The following SLC38A11 variants were observed in gnomAD, a reference collection of about 807,000 sequenced individuals.
The protein encoded by SLC38A11 is solute carrier family 38 member 11, also known as putative sodium-coupled neutral amino acid transporter 11.
A neutral mutation model predicts 49.4 loss-of-function variants in SLC38A11; 51 were observed. That is an observed-to-expected ratio of 1.03 (90% CI 0.83 to 1.30). The LOEUF (loss-of-function observed/expected upper bound fraction) is 1.30. Ranked by LOEUF, SLC38A11 falls within the 50% of genes most tolerant of loss-of-function variation. SLC38A11 has a pLI of 0.00. For synonymous variants in SLC38A11, 203 were observed against 192.9 expected, an observed-to-expected ratio of 1.05 and a Z score of -0.43; for missense variants, 574 against 556.2, an observed-to-expected ratio of 1.03 and a Z score of -0.32.
At chr2:164,912,665 G>A (rs1685483980) in intron 9 of SLC38A11, among the ~76,000 whole-genome samples, 1 of 151,988 alleles carries the variant, frequency 6.6e-6, no homozygotes, top group Non-Finnish European at 1.5e-5. Context: ...GAGCCCAAGT[G>A]TAAATGCACT....
chr2:164,945,453 T>C, intron 4 of SLC38A11, 140 bp downstream of exon 4: 1 of 744,944 alleles, frequency 1.3e-6, no homozygotes, highest in Non-Finnish European at 2.0e-6. Context: ...GAGAAAATGG[T>C]TAAAGAAGTA....
intron 5 of SLC38A11, among the ~76,000 whole-genome samples, chr2:164,942,292 G>C (rs1455378511): frequency 1.3e-5 from 2 of 151,210 alleles, no homozygotes; most frequent in Non-Finnish European, 3.0e-5. Context: ...CTACAAAACC[G>C]GGCGTGGTGG....
At chr2:164,916,995 A>G (rs545558317) in intron 7 of SLC38A11, among the ~76,000 whole-genome samples, 1 of 152,038 alleles carries the variant, frequency 6.6e-6, no homozygotes, top group Non-Finnish European at 1.5e-5. Flanking sequence ...AGATTAAATG[A>G]GATAAAATAT....
chr2:164,911,357 T>A (rs1206100007), intron 10 of SLC38A11, among the ~76,000 whole-genome samples: 1 of 152,122 alleles, frequency 6.6e-6, no homozygotes, highest in East Asian at 1.9e-4. Flanking sequence ...GCAGTCACTT[T>A]GGAATGCAGT....
intron 5 of SLC38A11, among the ~76,000 whole-genome samples, chr2:164,942,873 C>G (rs987579714): frequency 1.3e-5 from 2 of 152,160 alleles, no homozygotes; most frequent in African/African-American, 4.8e-5. Context: ...TATTCTGATT[C>G]ATAATTTAGA....
chr2:164,911,549 G>T, intron 10 of SLC38A11, 87 bp downstream of exon 10: 1 of 586,814 alleles, frequency 1.7e-6, no homozygotes, highest in Non-Finnish European at 2.8e-6. Context: ...TTGGGAATTT[G>T]CCAAACTGTA....
At chr2:164,938,461 A>G (rs538982749) in intron 6 of SLC38A11, among the ~76,000 whole-genome samples, 471 of 152,316 alleles carry the variant, frequency 3.1e-3, no homozygotes, top group African/African-American at 0.011. Context: ...CAGAATGTTA[A>G]TAGCCTTCCT....
At position 164,915,158 on chromosome 2, in the gene SLC38A11, T is replaced by C. The variant is rs1234732463; in HGVS notation, c.804A>G (p.Ile268Met). 6.2e-7 allele frequency: 1 copy of C among 1,611,636 alleles called. No homozygotes were observed. Among genetic ancestry groups the C allele is most frequent in the African/African-American group, 1.3e-5 (1 of 74,708 alleles). The part of the protein sequence containing the change: ...MSIVISVFIC[I>M]FFATCGYLTF... ...TCAAGTATCCACATGTAGCAAAGAA[T>C]ATACAGATAAATACAGAAATCACGA... Residue 268 changes from isoleucine (I) to methionine (M), a missense_variant, in exon 9 of 12, where the codon ATA becomes ATG. Coordinates refer to ENST00000685975, the MANE Select transcript of SLC38A11 (RefSeq NM_001351537.2).
chr2:164,937,656 T>G, intron 6 of SLC38A11: 1 of 373,704 alleles, frequency 2.7e-6, no homozygotes, highest in Non-Finnish European at 4.8e-6. Context: ...GCAAGTATTA[T>G]ACATGACTGT....
intron 11 of SLC38A11, among the ~76,000 whole-genome samples, chr2:164,904,764 T>G (rs1254969592): frequency 2.0e-5 from 3 of 152,204 alleles, no homozygotes; most frequent in African/African-American, 7.2e-5. Context: ...TCTATCCATA[T>G]GTATCATAGA....
At chr2:164,907,016 C>A (rs949987423) in intron 11 of SLC38A11, among the ~76,000 whole-genome samples, 10 of 152,088 alleles carry the variant, frequency 6.6e-5, no homozygotes, top group Non-Finnish European at 1.0e-4. Flanking sequence ...GGTGCATGAC[C>A]AATAAGTGCT....
chr2:164,915,051 A>G, intron 9 of SLC38A11, 61 bp downstream of exon 9: 1 of 1,429,740 alleles, frequency 7.0e-7, no homozygotes, highest in Non-Finnish European at 9.5e-7. Context: ...AATAATGAGT[A>G]GAACATTCGG....
At chr2:164,914,519 G>T (rs902063317) in intron 9 of SLC38A11, among the ~76,000 whole-genome samples, 29 of 151,950 alleles carry the variant, frequency 1.9e-4, no homozygotes, top group African/African-American at 7.0e-4. Context: ...CAAAAAGAAA[G>T]GTCTGGGTTA....
chr2:164,937,511 T>C (rs1291145251), intron 6 of SLC38A11, 82 bp from the exon 7 acceptor site: 10 of 916,368 alleles, frequency 1.1e-5, no homozygotes, highest in Non-Finnish European at 1.5e-5. Context: ...TCATTTTTAA[T>C]TGGGTAAACT....
intron 11 of SLC38A11, chr2:164,907,938 A>C (rs1559089603): frequency 6.6e-6 from 1 of 152,192 alleles, no homozygotes; most frequent in Non-Finnish European, 1.5e-5. Flanking sequence ...GGTAGAAGCA[A>C]CGGAATTTAT....
intron 2 of SLC38A11, 100 bp from the exon 3 acceptor site, chr2:164,952,881 T>A: frequency 1.3e-6 from 1 of 782,830 alleles, no homozygotes; most frequent in South Asian, 1.5e-5. Context: ...TAAAGTCAAT[T>A]TATATACTTA....
rs1176738791 is a variant in SLC38A11 at position 164,896,800 on chromosome 2, A to G, written c.*1637T>C. On this transcript the variant is annotated 3_prime_UTR_variant, in exon 12 of 12. Coordinates refer to ENST00000685975, the MANE Select transcript of SLC38A11 (RefSeq NM_001351537.2). ...TACCTGCTAAAATGCATCTTCCTTT[A>G]TGTTCAATAGGCCTTTCTCACTATG... is the stretch of plus-strand genomic sequence containing the variant. 3 of 152,126 alleles carry G rather than the reference A, an allele frequency of 2.0e-5. No individual in the cohort carries two copies. Among genetic ancestry groups the G allele is most frequent in the Admixed American group, 1.3e-4 (2 of 15,254 alleles). 9.4% of individuals were successfully genotyped at this position (152,126 alleles called of 1,614,324 possible). A position where few individuals can be genotyped will look rare whatever the true frequency, so the allele number is the denominator to read the frequency against.
At chr2:164,904,287 C>T (rs1684848520) in intron 11 of SLC38A11, among the ~76,000 whole-genome samples, 1 of 152,150 alleles carries the variant, frequency 6.6e-6, no homozygotes, top group African/African-American at 2.4e-5. Flanking sequence ...TGCTAAGACG[C>T]TGGATTCTTG....
chr2:164,921,918 A>G (rs552092877), intron 7 of SLC38A11, among the ~76,000 whole-genome samples: 1 of 152,304 alleles, frequency 6.6e-6, no homozygotes, highest in South Asian at 2.1e-4. Context: ...CAAATGCTTC[A>G]TTATATATTT....
Sources: gnomAD v4.1 joint callset for allele counts (sites outside exome capture counted in the v4.1 genomes callset) on GRCh38, gnomAD v4.1.1 for gene constraint, MANE v1.5 for transcripts, NCBI Gene and HGNC (gene_info 2026-07-23, HGNC 2026-07-21) for gene names.